The following SNRPB variants were observed in gnomAD, a reference collection of about 807,000 sequenced individuals.
The protein encoded by SNRPB is small nuclear ribonucleoprotein polypeptides B and B1, also known as small nuclear ribonucleoprotein-associated proteins B and B'.
SNRPB carries 5 observed loss-of-function variants against 26.6 expected under a neutral mutation model. The ratio of observed to expected loss-of-function variants is 0.19; its 90% CI spans 0.10 to 0.39. The LOEUF is 0.39. Ranked by LOEUF, SNRPB falls within the 10% of genes least tolerant of loss-of-function variation. SNRPB has a pLI of 1.00. For missense variants in SNRPB, 211 were observed against 311.9 expected (o/e 0.68, Z 2.44); for synonymous variants, 122 against 105.8 (o/e 1.15, Z -0.94).
chr20:2,463,509 A>G lies in SNRPB; in HGVS notation c.420+238T>C, dbSNP rs1256496060. ...CTCATGATTTCAAATGCTGTCATGG[A>G]AATATTTTCCTTAAATACAGTTGGC... On this transcript the variant is annotated intron_variant, in intron 4 of 6. Coordinates refer to ENST00000381342, the MANE Select transcript of SNRPB (RefSeq NM_003091.4). This position sits in a 1 kb window ranked among gnomAD's most constrained non-coding sequence, Gnocchi z 5.0. Among the ~76,000 whole-genome samples the G allele has an allele frequency of 6.6e-6, 1 of 152,218 alleles. No homozygotes were observed. Among genetic ancestry groups the G allele is most frequent in the Non-Finnish European group, 1.5e-5 (1 of 68,034 alleles).
intron 6 of SNRPB, among the ~76,000 whole-genome samples, chr20:2,462,259 A>G (rs2085039958): frequency 6.6e-6 from 1 of 151,314 alleles, no homozygotes; most frequent in Non-Finnish European, 1.5e-5. Flanking sequence ...AATTTCTCCA[A>G]CTGAAGTTAA....
intron 6 of SNRPB, 55 bp downstream of exon 6, chr20:2,462,581 C>T (rs757112555): frequency 3.6e-5 from 54 of 1,508,478 alleles, no homozygotes; most frequent in Non-Finnish European, 4.6e-5. Flanking sequence ...CCCTCCATTT[C>T]CTATCCCACT....
chr20:2,466,796 CCT>C (rs1331576956), intron 2 of SNRPB, among the ~76,000 whole-genome samples: 1 of 152,058 alleles, frequency 6.6e-6, no homozygotes, highest in African/African-American at 2.4e-5. Context: ...TCTGTTGGCC[CCT>C]CTCTAATACG....
At position 2,463,738 on chromosome 20, in the gene SNRPB, ACTC is replaced by A. The variant is rs2085051904; in HGVS notation, c.420+6_420+8del. 6.4e-7 allele frequency: 1 copy of A among 1,560,828 alleles called. No individual in the cohort carries two copies. Among genetic ancestry groups the A allele is most frequent in the Non-Finnish European group, 8.6e-7 (1 of 1,158,094 alleles). On this transcript the variant is annotated splice_donor_region_variant and intron_variant, in intron 4 of 6. Coordinates refer to ENST00000381342, the MANE Select transcript of SNRPB (RefSeq NM_003091.4). This position sits in a 1 kb window ranked among gnomAD's most constrained non-coding sequence, Gnocchi z 5.0. ...ACCAGGAGGTGGTACCCTTTCCCCA[ACTC>A]CTCACCTGTTGGGATGGCCCGCCAA...
chr20:2,464,692 G>C (rs943499196), intron 3 of SNRPB, among the ~76,000 whole-genome samples: 5 of 152,052 alleles, frequency 3.3e-5, no homozygotes, highest in Non-Finnish European at 5.9e-5. Flanking sequence ...AAGTTAAAAG[G>C]ATTATTCTCT....
rs1372915426 is a variant in SNRPB, at chr20:2,461,770, G to A, written c.*159C>T. 16 of 1,608,904 alleles carry A rather than the reference G, an allele frequency of 9.9e-6. No individual in the cohort carries two copies. The highest frequency in any genetic ancestry group is 1.4e-5 in the Non-Finnish European group (16 of 1,177,186). On this transcript the variant is annotated 3_prime_UTR_variant, in exon 7 of 7. Transcript: ENST00000381342. ...CCAAGATGAGTCTAGGGCCTTGGTG[G>A]GCGCATTCCCGGGGGAGGGGGCCCT...
chr20:2,467,462 CA>C (rs2085081678), intron 2 of SNRPB, 144 bp downstream of exon 2: 2 of 726,682 alleles, frequency 2.8e-6, no homozygotes, highest in Non-Finnish European at 4.6e-6. Context: ...TCTTAGCGTT[CA>C]ATGTCCCCAT....
intron 2 of SNRPB, 58 bp downstream of exon 2, chr20:2,467,549 C>T: frequency 1.3e-6 from 2 of 1,540,900 alleles, no homozygotes; most frequent in Non-Finnish European, 8.9e-7. Context: ...ATTGCTTGGC[C>T]CACCCACTCA....
At position 2,464,937 on chromosome 20, in the gene SNRPB, G is replaced by A. The variant is rs566773198; in HGVS notation, c.267+771C>T. Reference sequence around the variant, plus strand: ...GGGAAAGGGAAAACAAATTTGACTAGGTCTCTAAAGCCTGCTCTATTTCTA... The same window carrying A: ...GGGAAAGGGAAAACAAATTTGACTAAGTCTCTAAAGCCTGCTCTATTTCTA... On this transcript the variant is annotated intron_variant, in intron 3 of 6. Coordinates refer to ENST00000381342, the MANE Select transcript of SNRPB (RefSeq NM_003091.4). Among the ~76,000 whole-genome samples the A allele has an allele frequency of 9.4e-4, 143 of 151,848 alleles. 1 individual carries two copies. Among genetic ancestry groups the A allele is most frequent in the African/African-American group, 3.2e-3 (134 of 41,372 alleles).
Position 2,463,091 on chromosome 20 carries a change from G to A in SNRPB, c.557C>T (p.Pro186Leu). The A allele has an allele frequency of 1.9e-6, 3 of 1,563,866 alleles. No individual in the cohort carries two copies. The highest frequency in any genetic ancestry group is 2.6e-6 in the Non-Finnish European group (3 of 1,157,966). ...PPPMGRGAPP[P>L]GMMGPPPGMR... is the part of the protein sequence containing the mutation. Reference sequence around the variant, plus strand: ...TGGTCTCCTTATGGGCTCCTCACCTGGAGGGGGTGCTCCTCGGCCCATAGG... The same window carrying A: ...TGGTCTCCTTATGGGCTCCTCACCTAGAGGGGGTGCTCCTCGGCCCATAGG... The change falls in exon 5 of 7, where the codon CCA (proline) becomes CTA (leucine). Residue 186 changes from proline (P) to leucine (L), a missense_variant and splice_region_variant. Coordinates refer to ENST00000381342, the MANE Select transcript of SNRPB (RefSeq NM_003091.4). This position sits in a 1 kb window ranked among gnomAD's most constrained non-coding sequence, Gnocchi z 5.0.
Position 2,470,664 on chromosome 20 carries a change from G to A in SNRPB, c.3+24C>T. On this transcript the variant is annotated intron_variant, in intron 1 of 6. Coordinates refer to ENST00000381342, the MANE Select transcript of SNRPB (RefSeq NM_003091.4). ...CCACAACAGACTCGGAAGCTCCCGC[G>A]CCGCCAGCCTGTGCCCTCCTTACCA... 1.9e-6 allele frequency: 3 copies of A among 1,613,376 alleles called. No individual in the cohort carries two copies. The Middle Eastern group carries it at 5.0e-4, about 266-fold the overall frequency.
In SNRPB at chr20:2,463,120, G is replaced by C; in HGVS notation, c.528C>G (p.Pro176=). Residue 176 remains proline, a synonymous_variant, in exon 5 of 7, where the codon CCC becomes CCG. Coordinates refer to ENST00000381342, the MANE Select transcript of SNRPB (RefSeq NM_003091.4). The surrounding 1 kb of genome is among the most constrained non-coding windows in gnomAD (Gnocchi z 5.0). The part of the protein sequence containing the change: ...TQYPPGRGGP[P]PPMGRGAPPP... ...GGGGTGCTCCTCGGCCCATAGGTGG[G>C]GGAGGACCCCCACGGCCAGGTGGGT... 6.2e-7 allele frequency: 1 copy of C among 1,602,512 alleles called. No homozygotes were observed. The highest frequency in any genetic ancestry group is 8.5e-7 in the Non-Finnish European group (1 of 1,173,934).
Position 2,465,813 on chromosome 20 carries a change from C to T in SNRPB, c.162G>A (p.Lys54=). The T allele has an allele frequency of 1.2e-6, 2 of 1,613,528 alleles. No homozygotes were observed. The highest frequency in any genetic ancestry group is 1.7e-6 in the Non-Finnish European group (2 of 1,179,812). The change falls in exon 3 of 7, where the codon AAG becomes AAA. Residue 54 remains lysine (K), a synonymous_variant. Transcript: ENST00000381342. ...DCDEFRKIKP[K]NSKQAEREEK... The stretch of plus-strand genomic sequence containing the variant: ...CTTCCCTTTCTGCTTGTTTGGAGTT[C>T]TTTGGCCTAAAGAGAGGTTTAGAAG...
At chr20:2,469,115 T>G (rs189004465) in intron 1 of SNRPB, among the ~76,000 whole-genome samples, 3 of 152,258 alleles carry the variant, frequency 2.0e-5, no homozygotes, top group Non-Finnish European at 4.4e-5. Flanking sequence ...TCTGGCACTG[T>G]GATAAGCACA....
At position 2,462,709 on chromosome 20, in the gene SNRPB, C is replaced by T. The variant is rs73571229; in HGVS notation, c.612G>A (p.Gly204=). 1.7e-3 allele frequency: 2,702 copies of T among 1,594,048 alleles called. 53 individuals are homozygous for T. In the African/African-American group the frequency reaches 0.033, roughly 19 times the overall value. Residue 204 remains glycine, a synonymous_variant, in exon 6 of 7, where the codon GGG becomes GGA. Coordinates refer to ENST00000381342, the MANE Select transcript of SNRPB (RefSeq NM_003091.4). ...TTGGAGTCCCTCTTCCAGGGGGGATCCCCATTGGGGGACCCATAGGAGGTC... is the reference window on the plus strand; with the variant it reads ...TTGGAGTCCCTCTTCCAGGGGGGATTCCCATTGGGGGACCCATAGGAGGTC... ...GMRPPMGPPM[G]IPPGRGTPMG...
chr20:2,469,438 TC>T (rs1269649520), intron 1 of SNRPB, among the ~76,000 whole-genome samples: 1 of 152,194 alleles, frequency 6.6e-6, no homozygotes, highest in Non-Finnish European at 1.5e-5. Flanking sequence ...ACGGCTGTAA[TC>T]CCAGCACTTT....
Position 2,467,730 on chromosome 20 carries a change from TGCA to T in SNRPB, c.29_31del (p.Leu10del). The T allele has an allele frequency of 6.2e-7, 1 of 1,614,184 alleles. No individual in the cohort carries two copies. The highest frequency in any genetic ancestry group is 8.5e-7 in the Non-Finnish European group (1 of 1,180,022). On this transcript the variant is annotated inframe_deletion, in exon 2 of 7. Coordinates refer to ENST00000381342, the MANE Select transcript of SNRPB (RefSeq NM_003091.4). ...GCACCTCATCCTGTAATCAATATGC[TGCA>T]GCATCTTGCTGCTCTTGCCCACCGT...
At chr20:2,462,546 T>A in intron 6 of SNRPB, 90 bp downstream of exon 6, 1 of 1,121,718 alleles carries the variant, frequency 8.9e-7, no homozygotes, top group South Asian at 1.2e-5. Flanking sequence ...TGAAAGCCCA[T>A]GGGATATGAT....
In SNRPB at chr20:2,467,737, T is replaced by C. The variant is rs547455982; in HGVS notation, c.25A>G (p.Met9Val). Residue 9 changes from methionine to valine, a missense_variant, in exon 2 of 7, where the codon ATG (methionine) becomes GTG (valine). By Grantham distance (21) the Met-to-Val change is conservative. Transcript: ENST00000381342. Reference protein sequence around the residue: MTVGKSSKMLQHIDYRMRC... With the variant: MTVGKSSKVLQHIDYRMRC... ...ATCCTGTAATCAATATGCTGCAGCA[T>C]CTTGCTGCTCTTGCCCACCGTCTGC... 2 of 1,614,090 alleles carry C rather than the reference T, an allele frequency of 1.2e-6. No homozygotes were observed. The highest frequency in any genetic ancestry group is 1.1e-5 in the South Asian group (1 of 91,078).
Sources: allele counts gnomAD v4.1 joint callset (sites outside exome capture counted in the v4.1 genomes callset), GRCh38; gene constraint gnomAD v4.1.1; non-coding constraint Gnocchi (gnomAD v3.1); transcripts MANE v1.5; gene names NCBI Gene and HGNC (gene_info 2026-07-23, HGNC 2026-07-21).